Variants in ADGRL2 observed in about 807,000 individuals in gnomAD.
The protein encoded by ADGRL2 is calcium-independent alpha-latrotoxin receptor 2.
ADGRL2 carries 44 observed loss-of-function variants against 157.4 expected under a neutral mutation model. The ratio of observed to expected loss-of-function variants is 0.28; its 90% CI spans 0.22 to 0.36. The LOEUF is 0.36. ADGRL2 is among the 10% of genes least tolerant of loss of function. The probability of loss-of-function intolerance (pLI) is 1.00; values close to 1 mark genes in which losing one functional copy is unlikely to be tolerated. For synonymous variants in ADGRL2, 585 were observed against 624.7 expected (o/e 0.94, Z 0.95); for missense variants, 1,510 against 1,768.9 (o/e 0.85, Z 2.63).
intron 2 of ADGRL2, among the ~76,000 whole-genome samples, chr1:81,475,387 GCTGT>G (rs2078251958): frequency 6.6e-6 from 1 of 152,032 alleles, no homozygotes; most frequent in African/African-American, 2.4e-5. Context: ...CTCTTTCTCT[GCTGT>G]CTGACATCTT....
At chr1:81,603,101 C>G (rs370035714) in intron 3 of ADGRL2, among the ~76,000 whole-genome samples, 3 of 152,096 alleles carry the variant, frequency 2.0e-5, no homozygotes, top group Admixed American at 6.6e-5. Context: ...CCCTCTCTCC[C>G]TCACACATCT....
At chr1:81,423,780 A>G (rs1302616142) in intron 1 of ADGRL2, among the ~76,000 whole-genome samples, 2 of 152,226 alleles carry the variant, frequency 1.3e-5, no homozygotes, top group East Asian at 1.9e-4. Context: ...CACCACTAAG[A>G]TGAATTTCAT....
At position 81,510,836 on chromosome 1, in the gene ADGRL2, G is replaced by T. The variant is rs75653932; in HGVS notation, c.-248+65747G>T. ...TTTTCATAGTTGGTAACTTTTTCAG[G>T]CTCCTTCTACGAAACTATTTGACAA... is the stretch of plus-strand genomic sequence containing the variant. On this transcript the variant is annotated intron_variant, in intron 2 of 24. Coordinates refer to the ADGRL2 transcript ENST00000370721. Among the ~76,000 whole-genome samples, 558 of 152,156 alleles carry T rather than the reference G, an allele frequency of 3.7e-3. 2 individuals are homozygous for T. Among genetic ancestry groups the T allele is most frequent in the Middle Eastern group, 0.024 (7 of 294 alleles).
At chr1:81,458,720 A>G (rs1233441708) in intron 2 of ADGRL2, among the ~76,000 whole-genome samples, 1 of 152,160 alleles carries the variant, frequency 6.6e-6, no homozygotes, top group Non-Finnish European at 1.5e-5. Flanking sequence ...GCGCCTGAAA[A>G]CTAGGAGATG....
At chr1:81,506,737 CA>C (rs2078982988) in intron 2 of ADGRL2, among the ~76,000 whole-genome samples, 1 of 150,726 alleles carries the variant, frequency 6.6e-6, no homozygotes, top group Admixed American at 6.6e-5. Flanking sequence ...CAAAACAAAA[CA>C]AAACAAAACA....
chr1:81,847,744 C>T (rs1257928627), intron 2 of ADGRL2, among the ~76,000 whole-genome samples: 1 of 151,832 alleles, frequency 6.6e-6, no homozygotes, highest in Non-Finnish European at 1.5e-5. Flanking sequence ...TTCATTCTAT[C>T]ATACACAGAA....
chr1:81,651,660 T>G (rs992272739), intron 3 of ADGRL2, among the ~76,000 whole-genome samples: 5 of 152,204 alleles, frequency 3.3e-5, no homozygotes, highest in African/African-American at 1.2e-4. Context: ...TACTTTGGCA[T>G]CAATTCATTA....
intron 1 of ADGRL2, among the ~76,000 whole-genome samples, chr1:81,809,117 T>C (rs2089532931): frequency 6.6e-6 from 1 of 152,006 alleles, no homozygotes; most frequent in Non-Finnish European, 1.5e-5. Context: ...CTGTTGGTTT[T>C]GTCATTGATT....
At chr1:81,653,735 A>G (rs1200627992) in intron 3 of ADGRL2, among the ~76,000 whole-genome samples, 1 of 152,218 alleles carries the variant, frequency 6.6e-6, no homozygotes, top group Non-Finnish European at 1.5e-5. Context: ...TGCTTGAAAT[A>G]TTTAATCAAT....
rs1008095041 is a variant in ADGRL2 at position 81,991,178 on chromosome 1, C to T, written c.*33C>T. The T allele has an allele frequency of 8.4e-6, 13 of 1,554,262 alleles. No homozygotes were observed. In the East Asian group the frequency reaches 1.4e-4, roughly 16 times the overall value. ...GCTAAGGAATTCCAAGGGCCACATG[C>T]GAGTATTAATAAATAAAGACACCAT... On this transcript the variant is annotated 3_prime_UTR_variant, in exon 24 of 24. Coordinates refer to ENST00000686636, the MANE Select transcript of ADGRL2 (RefSeq NM_001366006.2).
chr1:81,351,987 G>A (rs2100839387), intron 1 of ADGRL2, among the ~76,000 whole-genome samples: 1 of 152,342 alleles, frequency 6.6e-6, no homozygotes, highest in East Asian at 1.9e-4. Flanking sequence ...AATGGCAGCA[G>A]AGATGTCATA....
At chr1:81,583,711 GCA>G (rs1377998498) in intron 3 of ADGRL2, among the ~76,000 whole-genome samples, 4 of 152,036 alleles carry the variant, frequency 2.6e-5, no homozygotes, top group African/African-American at 9.7e-5. Context: ...ACGTTTTCAA[GCA>G]CACTTCTAAG....
At chr1:81,411,828 T>C (rs1557669101) in intron 1 of ADGRL2, among the ~76,000 whole-genome samples, 1 of 148,656 alleles carries the variant, frequency 6.7e-6, no homozygotes. Context: ...TGCAGTGAGC[T>C]GAGATCGCGC....
intron 2 of ADGRL2, among the ~76,000 whole-genome samples, chr1:81,873,749 C>T (rs758055941): frequency 4.5e-4 from 68 of 152,106 alleles, no homozygotes; most frequent in Non-Finnish European, 8.1e-4. Flanking sequence ...GGTGTAATCA[C>T]TTGATTCTTA....
chr1:81,325,034 G>A (rs2100654354), intron 1 of ADGRL2, among the ~76,000 whole-genome samples: 1 of 152,146 alleles, frequency 6.6e-6, no homozygotes, highest in South Asian at 2.1e-4. Flanking sequence ...TTAAACCAGA[G>A]GTTTAAAAGC....
chr1:81,424,929 C>T (rs995350885), intron 1 of ADGRL2, among the ~76,000 whole-genome samples: 2 of 152,168 alleles, frequency 1.3e-5, no homozygotes, highest in African/African-American at 2.4e-5. Flanking sequence ...TATTTGAAGA[C>T]CCGCTATGGA....
rs2092600354 is a variant in ADGRL2, at chr1:81,842,011, A to G, written c.73+4954A>G. Among the ~76,000 whole-genome samples the G allele has an allele frequency of 2.0e-5, 3 of 152,114 alleles. No individual in the cohort carries two copies. The South Asian group carries it at 6.2e-4, about 32-fold the overall frequency. ...TGATGATACGGCAGAATCACCTGGAAGATCTGCGGTGGGGCCCAAGCATTA... is the reference window on the plus strand; with the variant it reads ...TGATGATACGGCAGAATCACCTGGAGGATCTGCGGTGGGGCCCAAGCATTA... On this transcript the variant is annotated intron_variant, in intron 2 of 23. Coordinates refer to ENST00000686636, the MANE Select transcript of ADGRL2 (RefSeq NM_001366006.2).
intron 2 of ADGRL2, among the ~76,000 whole-genome samples, chr1:81,897,204 A>G (rs1310721057): frequency 6.6e-6 from 1 of 152,198 alleles, no homozygotes; most frequent in Non-Finnish European, 1.5e-5. Flanking sequence ...TAACAGAAAA[A>G]TGAGTGGAAC....
At chr1:81,314,078 A>G (rs1452392849) in intron 1 of ADGRL2, among the ~76,000 whole-genome samples, 1 of 152,184 alleles carries the variant, frequency 6.6e-6, no homozygotes, top group Non-Finnish European at 1.5e-5. Context: ...GTCAGGGTAA[A>G]TCTGTTTATT....
Sources: allele counts gnomAD v4.1 joint callset (sites outside exome capture counted in the v4.1 genomes callset), GRCh38; gene constraint gnomAD v4.1.1; transcripts MANE v1.5; gene names NCBI Gene and HGNC (gene_info 2026-07-23, HGNC 2026-07-21).